The following ERC2 variants were observed in gnomAD, a reference collection of about 807,000 sequenced individuals.
ERC2 encodes the protein ELKS/RAB6-interacting/CAST family member 2.
In ERC2, 42 loss-of-function variants were observed where a neutral mutation model predicts 114.8. That is an observed-to-expected ratio of 0.37 (90% confidence interval 0.29 to 0.47). ERC2 has a LOEUF of 0.47. ERC2 is among the 20% of genes least tolerant of loss of function. The probability of loss-of-function intolerance (pLI) is 0.99; values close to 1 mark genes in which losing one functional copy is unlikely to be tolerated. For synonymous variants in ERC2, 454 were observed against 425.5 expected, an observed-to-expected ratio of 1.07 and a Z score of -0.82; for missense variants, 939 against 1,150.7, an observed-to-expected ratio of 0.82 and a Z score of 2.66.
intron 14 of ERC2, among the ~76,000 whole-genome samples, chr3:55,743,239 CAGGGAGGTG>C (rs1252486349): frequency 7.2e-5 from 11 of 152,184 alleles, no homozygotes; most frequent in Non-Finnish European, 7.3e-5. Flanking sequence ...GTGCATGAGC[CAGGGAGGTG>C]GCTGGCCCAT....
At chr3:55,514,330 G>A (rs1014514428) in intron 17 of ERC2, among the ~76,000 whole-genome samples, 6 of 152,264 alleles carry the variant, frequency 3.9e-5, no homozygotes, top group East Asian at 1.9e-4. Context: ...TGGGGAGGTC[G>A]AGGCTGCAGT....
At chr3:55,975,229 A>G (rs928214893) in intron 12 of ERC2, among the ~76,000 whole-genome samples, 1 of 152,130 alleles carries the variant, frequency 6.6e-6, no homozygotes, top group Non-Finnish European at 1.5e-5. Context: ...CAGAATGCAT[A>G]GGACCAGGGC....
At chr3:56,014,149 A>G (rs953629033) in intron 8 of ERC2, among the ~76,000 whole-genome samples, 1 of 152,166 alleles carries the variant, frequency 6.6e-6, no homozygotes, top group African/African-American at 2.4e-5. Context: ...TAAATAGCTC[A>G]CAAAGCTGGT....
intron 3 of ERC2, among the ~76,000 whole-genome samples, chr3:56,211,706 A>G (rs576945405): frequency 1.3e-5 from 2 of 152,310 alleles, no homozygotes; most frequent in Non-Finnish European, 1.5e-5. Flanking sequence ...AAACTATTCT[A>G]TAGGGCCATA....
At chr3:56,320,061 A>G (rs931982905) in intron 2 of ERC2, among the ~76,000 whole-genome samples, 1 of 152,234 alleles carries the variant, frequency 6.6e-6, no homozygotes, top group Non-Finnish European at 1.5e-5. Flanking sequence ...ATTAATCAGG[A>G]ACCTCCAAAC....
At chr3:56,177,341 G>A (rs1016101420) in intron 3 of ERC2, among the ~76,000 whole-genome samples, 4 of 152,164 alleles carry the variant, frequency 2.6e-5, no homozygotes, top group East Asian at 1.9e-4. Context: ...CCATCTGAGC[G>A]ATGCACCCAT....
At chr3:55,752,720 TACTC>T (rs1211942466) in intron 14 of ERC2, among the ~76,000 whole-genome samples, 4 of 152,134 alleles carry the variant, frequency 2.6e-5, no homozygotes, top group Non-Finnish European at 5.9e-5. Context: ...TGAATTAACT[TACTC>T]AAGTTTACAT....
chr3:55,824,000 C>T (rs2060229610), intron 14 of ERC2, among the ~76,000 whole-genome samples: 1 of 152,192 alleles, frequency 6.6e-6, no homozygotes, highest in Non-Finnish European at 1.5e-5. Flanking sequence ...AGATGGCCAC[C>T]TTCTTGCTGT....
At chr3:56,198,987 T>C (rs1041469001) in intron 3 of ERC2, among the ~76,000 whole-genome samples, 4 of 152,220 alleles carry the variant, frequency 2.6e-5, no homozygotes, top group Non-Finnish European at 4.4e-5. Flanking sequence ...CCCTGGATTA[T>C]GGCTCAGTTT....
intron 17 of ERC2, among the ~76,000 whole-genome samples, chr3:55,620,492 T>G (rs912940313): frequency 6.6e-6 from 1 of 152,166 alleles, no homozygotes. Context: ...TCACAATGAC[T>G]CTGCACATTC....
intron 13 of ERC2, among the ~76,000 whole-genome samples, chr3:55,922,466 T>C (rs957095163): frequency 3.9e-5 from 6 of 152,022 alleles, no homozygotes; most frequent in Non-Finnish European, 8.8e-5. Flanking sequence ...TCCCCTCCCC[T>C]TTCTCTCACT....
chr3:55,759,462 TAAAAAAAAAAAAAA>T (rs540204065), intron 14 of ERC2, among the ~76,000 whole-genome samples: 516 of 36,048 alleles, frequency 0.014, 15 homozygotes, highest in African/African-American at 0.051. Flanking sequence ...TCTCTTTCAT[TAAAAAAAAAAAAAA>T]AAAAAAAAAA....
chr3:55,700,195 C>A (rs1230992916), intron 15 of ERC2, among the ~76,000 whole-genome samples: 1 of 152,160 alleles, frequency 6.6e-6, no homozygotes, highest in Non-Finnish European at 1.5e-5. Context: ...ATGGTTAAAC[C>A]CCCAATGCAA....
intron 17 of ERC2, among the ~76,000 whole-genome samples, chr3:55,595,333 C>T (rs910961961): frequency 5.3e-5 from 8 of 152,206 alleles, no homozygotes; most frequent in Non-Finnish European, 1.0e-4. Context: ...AATAGCTTCT[C>T]CTCAGCATTC....
At chr3:55,823,028 T>C (rs2060192338) in intron 14 of ERC2, among the ~76,000 whole-genome samples, 1 of 152,178 alleles carries the variant, frequency 6.6e-6, no homozygotes, top group South Asian at 2.1e-4. Context: ...GCTAAACTAA[T>C]GAGGTCAGGA....
intron 12 of ERC2, among the ~76,000 whole-genome samples, chr3:55,951,288 G>T (rs951991472): frequency 3.3e-5 from 5 of 151,974 alleles, no homozygotes; most frequent in African/African-American, 1.2e-4. Context: ...CCATTACTTT[G>T]ATTTTAAAAT....
intron 3 of ERC2, among the ~76,000 whole-genome samples, chr3:56,242,520 G>A (rs1212996473): frequency 2.0e-5 from 3 of 151,974 alleles, no homozygotes; most frequent in African/African-American, 2.4e-5. Flanking sequence ...TTTAGAAAGT[G>A]CATAATTTAT....
At chr3:56,138,091 A>C in intron 6 of ERC2, among the ~76,000 whole-genome samples, 1 of 117,816 alleles carries the variant, frequency 8.5e-6, no homozygotes, top group Admixed American at 1.3e-4. Context: ...ACGAAGTCTC[A>C]CTCTGTCACC....
chr3:56,123,778 A>C (rs1192927814), intron 6 of ERC2, among the ~76,000 whole-genome samples: 1 of 152,180 alleles, frequency 6.6e-6, no homozygotes, highest in East Asian at 1.9e-4. Flanking sequence ...TCTCCTCTGT[A>C]ATGCCGGTCT....
Sources: allele counts gnomAD v4.1 joint callset (sites outside exome capture counted in the v4.1 genomes callset), GRCh38; gene constraint gnomAD v4.1.1; transcripts MANE v1.5; gene names NCBI Gene and HGNC (gene_info 2026-07-23, HGNC 2026-07-21).